The following XIRP2 variants were observed in gnomAD, a reference collection of about 807,000 sequenced individuals.
The protein encoded by XIRP2 is xin actin binding repeat containing 2.
Under a neutral mutation model 277.0 loss-of-function variants are expected in XIRP2, and 236 were observed. That is an observed-to-expected ratio of 0.85 (90% confidence interval 0.77 to 0.95). The LOEUF is 0.95. Ranked by LOEUF, XIRP2 falls within the 40% of genes least tolerant of loss-of-function variation. XIRP2 has a pLI of 0.00. For missense variants in XIRP2, 4,640 were observed against 4,157.5 expected, an observed-to-expected ratio of 1.12 and a Z score of -3.19; for synonymous variants, 1,490 against 1,416.5, an observed-to-expected ratio of 1.05 and a Z score of -1.17.
intron 5 of XIRP2, among the ~76,000 whole-genome samples, chr2:167,237,738 C>A (rs1694943665): frequency 6.6e-6 from 1 of 152,114 alleles, no homozygotes; most frequent in South Asian, 2.1e-4. Flanking sequence ...CTCATAGGGA[C>A]CTTGGTTCTG....
intron 2 of XIRP2, among the ~76,000 whole-genome samples, chr2:166,943,402 G>A (rs1685773107): frequency 6.6e-6 from 1 of 152,192 alleles, no homozygotes; most frequent in African/African-American, 2.4e-5. Flanking sequence ...CTTGTTCTGA[G>A]CAGAGGATTC....
intron 3 of XIRP2, among the ~76,000 whole-genome samples, chr2:167,161,206 G>A (rs1366422881): frequency 2.0e-5 from 3 of 152,164 alleles, no homozygotes; most frequent in Admixed American, 2.0e-4. Flanking sequence ...GTGTCTGTGG[G>A]TTTTCTAGGC....
chr2:167,043,482 T>G (rs116776638), intron 2 of XIRP2, among the ~76,000 whole-genome samples: 58 of 151,976 alleles, frequency 3.8e-4, no homozygotes, highest in African/African-American at 1.4e-3. Context: ...AAGATTCAAA[T>G]AAACACATTC....
intron 2 of XIRP2, among the ~76,000 whole-genome samples, chr2:167,008,877 T>C (rs1345524862): frequency 6.6e-6 from 1 of 151,542 alleles, no homozygotes; most frequent in Non-Finnish European, 1.5e-5. Context: ...GATGAGTATA[T>C]TGTATAATGT....
intron 2 of XIRP2, among the ~76,000 whole-genome samples, chr2:167,049,473 C>A (rs1688865469): frequency 6.7e-6 from 1 of 149,618 alleles, no homozygotes; most frequent in African/African-American, 2.5e-5. Flanking sequence ...GTTTGTTTCA[C>A]AGATCTATAT....
intron 2 of XIRP2, among the ~76,000 whole-genome samples, chr2:167,116,208 T>C (rs1690892648): frequency 6.6e-6 from 1 of 152,188 alleles, no homozygotes; most frequent in Admixed American, 6.6e-5. Context: ...AATCAACTTA[T>C]TCTATTAAAT....
intron 2 of XIRP2, among the ~76,000 whole-genome samples, chr2:167,018,449 CA>C (rs939770617): frequency 6.6e-6 from 1 of 151,958 alleles, no homozygotes; most frequent in African/African-American, 2.4e-5. Context: ...GGATAAAGAA[CA>C]AACAGAGAGA....
rs750812410 is a variant in XIRP2, at chr2:166,903,820, C to T, written c.338C>T (p.Ala113Val). 1.6e-5 allele frequency: 26 copies of T among 1,613,506 alleles called. No homozygotes were observed. The highest frequency in any genetic ancestry group is 2.1e-5 in the Non-Finnish European group (25 of 1,179,778). ...SRRRIERFSI[A>V]LDELRSVFEA... ...CGCAGGATTGAACGCTTTTCCATTGCCCTTGATGAGCTGAGGAGTGTGTTT... is the reference window on the plus strand; with the variant it reads ...CGCAGGATTGAACGCTTTTCCATTGTCCTTGATGAGCTGAGGAGTGTGTTT... The change falls in exon 2 of 11, where the codon GCC (alanine) becomes GTC (valine). Residue 113 changes from alanine to valine, a missense_variant. Ala to Val is a moderately conservative substitution (Grantham distance 64). Coordinates refer to ENST00000409195, the MANE Select transcript of XIRP2 (RefSeq NM_152381.6).
intron 5 of XIRP2, among the ~76,000 whole-genome samples, chr2:167,235,365 AT>A (rs1694870900): frequency 6.6e-6 from 1 of 151,994 alleles, no homozygotes; most frequent in Non-Finnish European, 1.5e-5. Flanking sequence ...AACAAAAAAA[AT>A]CATAGGTTTA....
intron 3 of XIRP2, among the ~76,000 whole-genome samples, chr2:167,199,647 C>A (rs1033017522): frequency 1.3e-5 from 2 of 152,130 alleles, no homozygotes; most frequent in Non-Finnish European, 2.9e-5. Flanking sequence ...GATATTTTAA[C>A]CAGTCCCTCA....
chr2:166,911,315 T>G (rs1574071426), intron 2 of XIRP2, among the ~76,000 whole-genome samples: 1 of 152,194 alleles, frequency 6.6e-6, no homozygotes, highest in African/African-American at 2.4e-5. Flanking sequence ...GGTGCATATA[T>G]ATTTAGAGTA....
chr2:167,026,184 G>C (rs567550130), intron 2 of XIRP2, among the ~76,000 whole-genome samples: 1 of 152,270 alleles, frequency 6.6e-6, no homozygotes, highest in African/African-American at 2.4e-5. Flanking sequence ...TCTTGTTGTT[G>C]AATTGATCCC....
At chr2:167,028,320 A>G (rs1192599859) in intron 2 of XIRP2, among the ~76,000 whole-genome samples, 1 of 152,048 alleles carries the variant, frequency 6.6e-6, no homozygotes, top group Non-Finnish European at 1.5e-5. Flanking sequence ...TGTTAGTGAC[A>G]TGGCATGCCT....
chr2:166,941,331 G>A, intron 2 of XIRP2, among the ~76,000 whole-genome samples: 1 of 152,204 alleles, frequency 6.6e-6, no homozygotes, highest in Admixed American at 6.5e-5. Context: ...TGATTTTCCA[G>A]GTGCCATCTG....
At chr2:167,206,637 T>C (rs1458316296) in intron 3 of XIRP2, among the ~76,000 whole-genome samples, 1 of 152,134 alleles carries the variant, frequency 6.6e-6, no homozygotes, top group African/African-American at 2.4e-5. Context: ...TTCTGCAGAC[T>C]TTTGCATTGT....
chr2:166,920,920 A>G (rs534544499), intron 2 of XIRP2, among the ~76,000 whole-genome samples: 65 of 152,244 alleles, frequency 4.3e-4, no homozygotes, highest in African/African-American at 1.5e-3. Flanking sequence ...TCTTGGAGTA[A>G]GCTAGTTTTT....
chr2:167,142,651 A>C (rs536517261), intron 3 of XIRP2, among the ~76,000 whole-genome samples: 1 of 152,206 alleles, frequency 6.6e-6, no homozygotes. Flanking sequence ...TACAAAGCTG[A>C]AACACAAGAA....
At chr2:167,232,178 A>G (rs886550421) in intron 5 of XIRP2, among the ~76,000 whole-genome samples, 1 of 152,036 alleles carries the variant, frequency 6.6e-6, no homozygotes, top group Non-Finnish European at 1.5e-5. Context: ...ATACAACAGT[A>G]TCTTTTAGGC....
intron 2 of XIRP2, among the ~76,000 whole-genome samples, chr2:167,095,277 C>G (rs1690268279): frequency 6.6e-6 from 1 of 152,148 alleles, no homozygotes; most frequent in Admixed American, 6.5e-5. Flanking sequence ...AATTTGATTT[C>G]CTCTCCTCCT....
Sources: gnomAD v4.1 joint callset for allele counts (sites outside exome capture counted in the v4.1 genomes callset) on GRCh38, gnomAD v4.1.1 for gene constraint, MANE v1.5 for transcripts, NCBI Gene and HGNC (gene_info 2026-07-23, HGNC 2026-07-21) for gene names.